Variants in ASTN2 observed in about 807,000 individuals in gnomAD.
ASTN2 encodes astrotactin 2, also known as astrotactin-2.
Under a neutral mutation model 139.8 loss-of-function variants are expected in ASTN2, and 54 were observed. The observed-to-expected ratio is 0.39, with a 90% CI of 0.31 to 0.48. ASTN2 has a LOEUF of 0.48. ASTN2 is among the 20% of genes least tolerant of loss of function. The pLI is 0.95. For synonymous variants in ASTN2, 756 were observed against 719.5 expected, an observed-to-expected ratio of 1.05 and a Z score of -0.81; for missense variants, 1,565 against 1,725.1, an observed-to-expected ratio of 0.91 and a Z score of 1.64.
intron 17 of ASTN2, among the ~76,000 whole-genome samples, chr9:116,640,874 A>T (rs1301670486): frequency 6.6e-6 from 1 of 152,234 alleles, no homozygotes; most frequent in Non-Finnish European, 1.5e-5. Flanking sequence ...AGTACAGGCA[A>T]GATTTGGATC....
chr9:117,335,978 T>C (rs1828868268), intron 1 of ASTN2, among the ~76,000 whole-genome samples: 1 of 146,376 alleles, frequency 6.8e-6, no homozygotes, highest in African/African-American at 2.5e-5. Context: ...ATCCTGACAA[T>C]ATTAACAACA....
chr9:117,307,131 C>A (rs956687348), intron 1 of ASTN2, among the ~76,000 whole-genome samples: 1 of 152,218 alleles, frequency 6.6e-6, no homozygotes. Flanking sequence ...GGAACACACC[C>A]ATTTATATGT....
At chr9:117,261,961 C>A (rs1364580653) in intron 2 of ASTN2, among the ~76,000 whole-genome samples, 3 of 152,146 alleles carry the variant, frequency 2.0e-5, no homozygotes, top group Non-Finnish European at 1.5e-5. Flanking sequence ...TAAAACTATA[C>A]TTATTGGGCA....
intron 2 of ASTN2, among the ~76,000 whole-genome samples, chr9:117,276,611 C>T (rs531868449): frequency 1.3e-3 from 191 of 152,236 alleles, no homozygotes; most frequent in Non-Finnish European, 2.5e-3. Context: ...AAACAGGAAC[C>T]GAAGAGGGTG....
At chr9:116,566,493 C>T (rs765925734) in intron 19 of ASTN2, among the ~76,000 whole-genome samples, 10 of 152,172 alleles carry the variant, frequency 6.6e-5, no homozygotes, top group Non-Finnish European at 1.3e-4. Context: ...GAAATTTCTC[C>T]ATCCCCAGGA....
At chr9:117,175,728 TA>T (rs1161112442) in intron 3 of ASTN2, among the ~76,000 whole-genome samples, 1 of 152,098 alleles carries the variant, frequency 6.6e-6, no homozygotes, top group East Asian at 1.9e-4. Context: ...AGTCCATGGT[TA>T]AAGACTGAAA....
intron 16 of ASTN2, among the ~76,000 whole-genome samples, chr9:116,653,797 C>T (rs1431205048): frequency 6.6e-6 from 1 of 152,208 alleles, no homozygotes; most frequent in African/African-American, 2.4e-5. Flanking sequence ...GGCCCTCAGG[C>T]CTGGAATCTG....
intron 1 of ASTN2, among the ~76,000 whole-genome samples, chr9:117,340,207 C>G (rs1363850343): frequency 6.6e-6 from 1 of 151,652 alleles, no homozygotes; most frequent in East Asian, 1.9e-4. Context: ...TGGCATGCAC[C>G]TATAATCCCA....
rs114591081 is a variant in ASTN2, at chr9:117,223,345, C to T, written c.631-8603G>A. On this transcript the variant is annotated intron_variant, in intron 2 of 22. Transcript: ENST00000313400. The stretch of plus-strand genomic sequence containing the variant: ...CAGAAGCCAGGGAATCTGTAAACAT[C>T]TCGCATACACAGGACAGCCACATAC... 8.1e-3 allele frequency among the ~76,000 whole-genome samples: 1,231 copies of T among 152,244 alleles called. 16 individuals are homozygous for T. The highest frequency in any genetic ancestry group is 0.027 in the African/African-American group (1,139 of 41,522).
chr9:117,236,959 A>G (rs1216054728), intron 2 of ASTN2, among the ~76,000 whole-genome samples: 1 of 152,146 alleles, frequency 6.6e-6, no homozygotes, highest in African/African-American at 2.4e-5. Context: ...GATAGTTGTT[A>G]TTTTGTGTTG....
At chr9:117,045,257 C>CAAAAAAAAAAAA (rs56993648) in intron 5 of ASTN2, among the ~76,000 whole-genome samples, 1 of 131,644 alleles carries the variant, frequency 7.6e-6, no homozygotes, top group Non-Finnish European at 1.6e-5. Flanking sequence ...ATGTAATTAG[C>CAAAAAAAAAAAA]AAAAAAAAAA....
At chr9:117,338,733 AT>A (rs568536584) in intron 1 of ASTN2, among the ~76,000 whole-genome samples, 301 of 147,168 alleles carry the variant, frequency 2.0e-3, no homozygotes, top group South Asian at 5.2e-3. Context: ...TGCAAAAGTA[AT>A]TTTTTTTTTT....
chr9:117,402,291 T>A (rs1830854020), intron 1 of ASTN2, among the ~76,000 whole-genome samples: 1 of 152,248 alleles, frequency 6.6e-6, no homozygotes, highest in African/African-American at 2.4e-5. Context: ...GGTCTCAAAC[T>A]CCTGACCTAA....
chr9:117,048,788 T>G (rs1000438616), intron 5 of ASTN2, among the ~76,000 whole-genome samples: 5 of 152,090 alleles, frequency 3.3e-5, no homozygotes, highest in Non-Finnish European at 5.9e-5. Flanking sequence ...GTGACAGTCT[T>G]AAAGGTGAAC....
intron 2 of ASTN2, among the ~76,000 whole-genome samples, chr9:117,257,343 G>A (rs1013517122): frequency 2.6e-5 from 4 of 152,232 alleles, no homozygotes; most frequent in Non-Finnish European, 5.9e-5. Flanking sequence ...GTAGATTCAT[G>A]ATCCAGCGCT....
chr9:116,593,599 T>G (rs777757735), intron 19 of ASTN2, among the ~76,000 whole-genome samples: 3 of 152,230 alleles, frequency 2.0e-5, no homozygotes, highest in Non-Finnish European at 2.9e-5. Context: ...TAGCCATTCT[T>G]AACTGAGAAT....
At chr9:117,125,545 TAAAG>T (rs1238546094) in intron 4 of ASTN2, among the ~76,000 whole-genome samples, 2 of 152,174 alleles carry the variant, frequency 1.3e-5, no homozygotes, top group African/African-American at 2.4e-5. Context: ...TGTTAAATCT[TAAAG>T]AAAGAAAGGG....
intron 2 of ASTN2, among the ~76,000 whole-genome samples, chr9:117,249,678 AACCACTG>A (rs1833483101): frequency 6.8e-6 from 1 of 146,782 alleles, no homozygotes; most frequent in Non-Finnish European, 1.5e-5. Flanking sequence ...ATGACATGAA[AACCACTG>A]ACATTGTCTT....
intron 10 of ASTN2, among the ~76,000 whole-genome samples, chr9:116,918,614 T>C (rs749963156): frequency 6.6e-6 from 1 of 152,236 alleles, no homozygotes; most frequent in Admixed American, 6.5e-5. Flanking sequence ...TCTTCTACCT[T>C]CTTTTCTCTC....
Sources: allele counts gnomAD v4.1 joint callset (sites outside exome capture counted in the v4.1 genomes callset), GRCh38; gene constraint gnomAD v4.1.1; transcripts MANE v1.5; gene names NCBI Gene and HGNC (gene_info 2026-07-23, HGNC 2026-07-21).